Variants in DENND5A observed in about 807,000 individuals in gnomAD.
DENND5A encodes DENN domain containing 5A.
A neutral mutation model predicts 140.3 loss-of-function variants in DENND5A; 64 were observed. The observed-to-expected ratio is 0.46, with a 90% CI of 0.37 to 0.56. DENND5A has a LOEUF of 0.56. DENND5A is among the 20% of genes least tolerant of loss of function. The probability of loss-of-function intolerance (pLI) is 0.00; values close to 1 mark genes in which losing one functional copy is unlikely to be tolerated. For missense variants in DENND5A, 1,292 were observed against 1,593.8 expected, an observed-to-expected ratio of 0.81 and a Z score of 3.22; for synonymous variants, 605 against 607.7, an observed-to-expected ratio of 1.00 and a Z score of 0.07.
chr11:9,139,977 C>G (rs78275731), intron 22 of DENND5A, 123 bp from the exon 23 acceptor site: 3 of 1,059,206 alleles, frequency 2.8e-6, no homozygotes, highest in Non-Finnish European at 4.1e-6. Context: ...TGACAGCCCC[C>G]CACACCCCCC....
chr11:9,167,348 C>T (rs1156711158), intron 10 of DENND5A, among the ~76,000 whole-genome samples: 1 of 151,748 alleles, frequency 6.6e-6, no homozygotes, highest in Non-Finnish European at 1.5e-5. Context: ...TGTTAGCTAT[C>T]TCCATACCAC....
chr11:9,265,182 C>G lies in DENND5A; in HGVS notation c.-113G>C. The G allele has an allele frequency of 2.0e-6, 1 of 493,848 alleles. No homozygotes were observed. The highest frequency in any genetic ancestry group is 2.6e-6 in the Non-Finnish European group (1 of 378,992). 30.6% of individuals were successfully genotyped at this position (493,848 alleles called of 1,614,324 possible). On this transcript the variant is annotated 5_prime_UTR_variant, in exon 1 of 23. Coordinates refer to ENST00000328194, the MANE Select transcript of DENND5A (RefSeq NM_015213.4). This position sits in a 1 kb window ranked among gnomAD's most constrained non-coding sequence, Gnocchi z 4.7. ...CCTCCCGCCGCCGCCGCTACCGCGG[C>G]TCGGGCCGCCGCCCCCGGCCCTGGC...
chr11:9,161,548 C>T (rs1371683379), intron 11 of DENND5A, among the ~76,000 whole-genome samples: 2 of 152,180 alleles, frequency 1.3e-5, no homozygotes, highest in Non-Finnish European at 2.9e-5. Context: ...AGCATACATA[C>T]AACTTAGAAA....
At chr11:9,222,424 C>A (rs61409427) in intron 1 of DENND5A, among the ~76,000 whole-genome samples, 6,155 of 152,146 alleles carry the variant, frequency 0.04, 416 homozygotes, top group African/African-American at 0.14. Context: ...TGTTTGAAAC[C>A]TTTTAGATCA....
intron 1 of DENND5A, among the ~76,000 whole-genome samples, chr11:9,261,842 T>A (rs1428381464): frequency 2.1e-5 from 3 of 143,792 alleles, no homozygotes; most frequent in Non-Finnish European, 4.5e-5. Flanking sequence ...CCACCAGAAA[T>A]GAAATGAAGA....
chr11:9,255,235 G>A (rs1438287661), intron 1 of DENND5A, among the ~76,000 whole-genome samples: 2 of 152,146 alleles, frequency 1.3e-5, no homozygotes, highest in Non-Finnish European at 2.9e-5. Context: ...CTCATACACT[G>A]CTATTGGAAA....
chr11:9,141,534 C>T (rs1564876981), intron 22 of DENND5A, among the ~76,000 whole-genome samples: 1 of 152,170 alleles, frequency 6.6e-6, no homozygotes, highest in Non-Finnish European at 1.5e-5. Flanking sequence ...AGCCCCCAGG[C>T]CTGCTCTTCT....
chr11:9,145,350 T>C (rs1221122478), intron 17 of DENND5A: 1 of 586,650 alleles, frequency 1.7e-6, no homozygotes, highest in Non-Finnish European at 3.0e-6. Flanking sequence ...CAAGAGATTC[T>C]GGAAGTGGGT....
intron 8 of DENND5A, among the ~76,000 whole-genome samples, chr11:9,177,600 G>A (rs572991868): frequency 6.6e-6 from 1 of 151,916 alleles, no homozygotes; most frequent in East Asian, 1.9e-4. Flanking sequence ...AAGCTGCAGT[G>A]AGCTATGTTC....
intron 5 of DENND5A, among the ~76,000 whole-genome samples, chr11:9,189,370 G>A (rs1485850107): frequency 1.3e-5 from 2 of 152,144 alleles, no homozygotes; most frequent in Admixed American, 6.5e-5. Context: ...GGAAATGTAG[G>A]GTCAGAGCCC....
At chr11:9,169,746 T>G in intron 10 of DENND5A, 110 bp downstream of exon 10, 3 of 701,808 alleles carry the variant, frequency 4.3e-6, no homozygotes, top group Non-Finnish European at 7.7e-6. Flanking sequence ...CTTTATGGGG[T>G]GAGGTCATTG....
chr11:9,147,087 G>A lies in DENND5A; in HGVS notation c.2800C>T (p.Leu934Phe), dbSNP rs1847455753. Residue 934 changes from leucine (L) to phenylalanine (F), a missense_variant, in exon 16 of 23, where the codon CTC (leucine) becomes TTC (phenylalanine). Transcript: ENST00000328194. ...DDEKEQFLYH[L>F]LSFNAVDYFC... Reference sequence around the variant, plus strand: ...TAATCGACGGCATTGAAAGACAGGAGGTGATAGAGGAACTGCTCCTTCTCG... The same window carrying A: ...TAATCGACGGCATTGAAAGACAGGAAGTGATAGAGGAACTGCTCCTTCTCG... 6.2e-7 allele frequency: 1 copy of A among 1,614,054 alleles called. No individual in the cohort carries two copies. Among genetic ancestry groups the A allele is most frequent in the Non-Finnish European group, 8.5e-7 (1 of 1,179,916 alleles).
intron 1 of DENND5A, among the ~76,000 whole-genome samples, chr11:9,238,635 C>T (rs1346803922): frequency 1.3e-5 from 2 of 151,692 alleles, no homozygotes; most frequent in Non-Finnish European, 2.9e-5. Context: ...AGGATGGTCT[C>T]GATCTCCTGA....
intron 1 of DENND5A, among the ~76,000 whole-genome samples, chr11:9,208,954 GT>G (rs1202431402): frequency 1.3e-5 from 2 of 152,204 alleles, no homozygotes; most frequent in African/African-American, 4.8e-5. Flanking sequence ...TGCACTTACT[GT>G]ACAAAGTAAT....
intron 5 of DENND5A, among the ~76,000 whole-genome samples, chr11:9,188,169 A>G (rs1325095217): frequency 3.3e-5 from 5 of 152,184 alleles, no homozygotes; most frequent in South Asian, 4.1e-4. Context: ...GTGACAGTGA[A>G]TAAGTCTCAA....
intron 17 of DENND5A, 67 bp downstream of exon 17, chr11:9,145,603 A>T (rs1847402086): frequency 1.3e-6 from 2 of 1,572,844 alleles, no homozygotes; most frequent in Non-Finnish European, 8.7e-7. Flanking sequence ...AACCCTGCAG[A>T]AAACTCCCCA....
chr11:9,241,328 C>T (rs1320215267), intron 1 of DENND5A, among the ~76,000 whole-genome samples: 1 of 152,102 alleles, frequency 6.6e-6, no homozygotes, highest in Non-Finnish European at 1.5e-5. Context: ...TAGGCCCCAT[C>T]CCCAGAGTTT....
At chr11:9,152,235 AAG>A (rs1847640890) in intron 13 of DENND5A, 121 bp downstream of exon 13, 2 of 776,758 alleles carry the variant, frequency 2.6e-6, no homozygotes, top group South Asian at 3.0e-5. Context: ...CCATATTTAA[AAG>A]AGAAAACATT....
At chr11:9,179,740 C>G (rs937231056) in intron 6 of DENND5A, among the ~76,000 whole-genome samples, 2 of 152,120 alleles carry the variant, frequency 1.3e-5, no homozygotes, top group Non-Finnish European at 2.9e-5. Flanking sequence ...CTCTGGTGAT[C>G]CTCCCACCTC....
Sources: allele counts gnomAD v4.1 joint callset (sites outside exome capture counted in the v4.1 genomes callset), GRCh38; gene constraint gnomAD v4.1.1; non-coding constraint Gnocchi (gnomAD v3.1); transcripts MANE v1.5; gene names NCBI Gene and HGNC (gene_info 2026-07-23, HGNC 2026-07-21).